Variants in PIP5K1A observed in about 807,000 individuals in gnomAD.
PIP5K1A encodes phosphatidylinositol-4-phosphate 5-kinase type 1 alpha, also known as phosphatidylinositol 4-phosphate 5-kinase type-1 alpha.
A neutral mutation model predicts 72.9 loss-of-function variants in PIP5K1A; 46 were observed. The observed-to-expected ratio is 0.63, with a 90% CI of 0.50 to 0.81. The LOEUF is 0.81. PIP5K1A is among the 30% of genes least tolerant of loss of function. The pLI is 0.00. For synonymous variants in PIP5K1A, 228 were observed against 255.1 expected (o/e 0.89, Z 1.01); for missense variants, 458 against 706.1 (o/e 0.65, Z 3.98).
chr1:151,235,617 A>C (rs901992362), intron 8 of PIP5K1A, among the ~76,000 whole-genome samples: 1 of 152,226 alleles, frequency 6.6e-6, no homozygotes, highest in African/African-American at 2.4e-5. Context: ...ACAAGGTCCT[A>C]CCACAGATCT....
intron 1 of PIP5K1A, among the ~76,000 whole-genome samples, chr1:151,222,100 A>G (rs770601472): frequency 6.6e-5 from 10 of 152,110 alleles, no homozygotes; most frequent in Non-Finnish European, 1.2e-4. Context: ...GGGAAAAAAA[A>G]TTACATATAT....
chr1:151,224,363 C>T lies in PIP5K1A; in HGVS notation c.121-8C>T. 2 of 1,609,278 alleles carry T rather than the reference C, an allele frequency of 1.2e-6. No homozygotes were observed. The highest frequency in any genetic ancestry group is 1.7e-6 in the Non-Finnish European group (2 of 1,175,886). On this transcript the variant is annotated splice_polypyrimidine_tract_variant and splice_region_variant and intron_variant, in intron 2 of 15. Coordinates refer to ENST00000368888, the MANE Select transcript of PIP5K1A (RefSeq NM_001135638.2). ...TGTTTATGACATTTTTATTTTTTCT[C>T]TACTTAGGTCTTGGAAGCTAGACAG... is the stretch of plus-strand genomic sequence containing the variant.
At chr1:151,235,589 T>C (rs909002972) in intron 8 of PIP5K1A, among the ~76,000 whole-genome samples, 4 of 152,260 alleles carry the variant, frequency 2.6e-5, no homozygotes, top group African/African-American at 9.6e-5. Context: ...AATGTTTAAC[T>C]GAATTGAAGC....
chr1:151,239,276 C>CTTTT, intron 11 of PIP5K1A, 98 bp downstream of exon 11: 3 of 606,464 alleles, frequency 4.9e-6, no homozygotes, highest in Admixed American at 3.1e-5. Flanking sequence ...TTTCTTTTTT[C>CTTTT]TTTTTTTTTT....
chr1:151,231,561 C>G, intron 4 of PIP5K1A, 110 bp from the exon 5 acceptor site: 1 of 924,394 alleles, frequency 1.1e-6, no homozygotes, highest in South Asian at 1.4e-5. Flanking sequence ...ATTGCTCAGA[C>G]TAAAGGATGT....
intron 9 of PIP5K1A, among the ~76,000 whole-genome samples, chr1:151,237,901 A>T (rs587673592): frequency 6.6e-6 from 1 of 152,318 alleles, no homozygotes; most frequent in African/African-American, 2.4e-5. Flanking sequence ...GCAATTTTAG[A>T]TTCTCTTTGG....
intron 14 of PIP5K1A, among the ~76,000 whole-genome samples, chr1:151,244,197 C>T (rs199913466): frequency 6.8e-5 from 10 of 146,446 alleles, no homozygotes; most frequent in African/African-American, 2.0e-4. Context: ...AAAAAAAAGT[C>T]GTGAAAATGT....
chr1:151,203,469 CA>C (rs1002604851), intron 1 of PIP5K1A, among the ~76,000 whole-genome samples: 16 of 147,896 alleles, frequency 1.1e-4, no homozygotes, highest in Non-Finnish European at 1.9e-4. Flanking sequence ...ACAGAGGTTG[CA>C]ATGAGTCAAG....
At chr1:151,225,739 G>A (rs1689026191) in intron 3 of PIP5K1A, among the ~76,000 whole-genome samples, 1 of 151,746 alleles carries the variant, frequency 6.6e-6, no homozygotes, top group African/African-American at 2.4e-5. Flanking sequence ...CAATGTGCTG[G>A]GATTACAGGT....
At chr1:151,206,493 G>A (rs1252261527) in intron 1 of PIP5K1A, among the ~76,000 whole-genome samples, 1 of 152,170 alleles carries the variant, frequency 6.6e-6, no homozygotes, top group African/African-American at 2.4e-5. Context: ...GAGGGAATGA[G>A]AAGAGGGTTT....
At chr1:151,225,235 AGGAG>A (rs772299900) in intron 3 of PIP5K1A, among the ~76,000 whole-genome samples, 3 of 152,120 alleles carry the variant, frequency 2.0e-5, no homozygotes, top group Non-Finnish European at 4.4e-5. Flanking sequence ...GCTTGAGCCC[AGGAG>A]GTTGAGGCTG....
intron 10 of PIP5K1A, 102 bp from the exon 11 acceptor site, chr1:151,239,026 CTT>C: frequency 1.4e-5 from 11 of 793,412 alleles, no homozygotes; most frequent in Non-Finnish European, 4.2e-6. Flanking sequence ...CAGCTTCTGT[CTT>C]TTCAAGATTT....
In PIP5K1A at chr1:151,247,992, A is replaced by C. The variant is rs767612230; in HGVS notation, c.*127A>C. The stretch of plus-strand genomic sequence containing the variant: ...TCAAAAAAGGAGTGTAATAGAAGTG[A>C]GGGGAGCTGCTCCTCCATCTTCTTC... On this transcript the variant is annotated 3_prime_UTR_variant, in exon 16 of 16. Coordinates refer to ENST00000368888, the MANE Select transcript of PIP5K1A (RefSeq NM_001135638.2). 1 of 813,724 alleles carries C rather than the reference A, an allele frequency of 1.2e-6. No homozygotes were observed. Among genetic ancestry groups the C allele is most frequent in the South Asian group, 1.4e-5 (1 of 71,310 alleles). The allele number at this position is 813,724 out of a possible 1,614,324, so 50.4% of individuals were successfully genotyped here.
chr1:151,236,222 A>C (rs115012469), intron 8 of PIP5K1A, among the ~76,000 whole-genome samples: 1 of 151,870 alleles, frequency 6.6e-6, no homozygotes, highest in Non-Finnish European at 1.5e-5. Context: ...GCTCATACCA[A>C]TAGTCCCAGC....
At position 151,212,578 on chromosome 1, in the gene PIP5K1A, T is replaced by A. The variant is rs142386344; in HGVS notation, c.86-11667T>A. 3.1e-3 allele frequency among the ~76,000 whole-genome samples: 453 copies of A among 147,172 alleles called. 5 individuals are homozygous for A. Among genetic ancestry groups the A allele is most frequent in the African/African-American group, 0.011 (429 of 40,378 alleles). On this transcript the variant is annotated intron_variant, in intron 1 of 15. Transcript: ENST00000368888. ...TGTGACATGGTGTGATGATTCGACT[T>A]TGCCTTTTTTTTTTTGAGACGGAGT...
chr1:151,217,655 C>T (rs1030292515), intron 1 of PIP5K1A, among the ~76,000 whole-genome samples: 3 of 152,176 alleles, frequency 2.0e-5, no homozygotes, highest in African/African-American at 4.8e-5. Flanking sequence ...GATCATAGCT[C>T]ACTGCAGCAC....
At chr1:151,236,820 T>TAA in intron 9 of PIP5K1A, 57 bp downstream of exon 9, 1 of 916,644 alleles carries the variant, frequency 1.1e-6, no homozygotes, top group Non-Finnish European at 1.6e-6. Context: ...ACTTTTCTTT[T>TAA]CTTTTTTTTT....
chr1:151,220,068 C>T (rs1003860275), intron 1 of PIP5K1A, among the ~76,000 whole-genome samples: 9 of 151,868 alleles, frequency 5.9e-5, no homozygotes, highest in African/African-American at 1.7e-4. Context: ...TGCAGTGGCG[C>T]GATCTCAGCT....
chr1:151,237,286 G>C (rs1052319424), intron 9 of PIP5K1A, among the ~76,000 whole-genome samples: 1 of 152,196 alleles, frequency 6.6e-6, no homozygotes, highest in Non-Finnish European at 1.5e-5. Flanking sequence ...CGGGTTTATA[G>C]TATATGTGGG....
Sources: gnomAD v4.1 joint callset for allele counts (sites outside exome capture counted in the v4.1 genomes callset) on GRCh38, gnomAD v4.1.1 for gene constraint, MANE v1.5 for transcripts, NCBI Gene and HGNC (gene_info 2026-07-23, HGNC 2026-07-21) for gene names.